STK39: variants seen among roughly 807,000 people sequenced by gnomAD.
The protein encoded by STK39 is serine/threonine kinase 39, also known as STE20/SPS1-related proline-alanine-rich protein kinase.
A neutral mutation model predicts 77.8 loss-of-function variants in STK39; 20 were observed. The ratio of observed to expected loss-of-function variants is 0.26; its 90% CI spans 0.18 to 0.37. STK39 has a LOEUF of 0.37. Among genes scored for constraint, STK39 ranks in the 10% least tolerant of loss-of-function variants. STK39 has a pLI of 1.00. For synonymous variants in STK39, 246 were observed against 234.1 expected, an observed-to-expected ratio of 1.05 and a Z score of -0.47; for missense variants, 479 against 656.5, an observed-to-expected ratio of 0.73 and a Z score of 2.95.
intron 15 of STK39, among the ~76,000 whole-genome samples, chr2:168,016,180 A>G (rs1342726708): frequency 6.6e-6 from 1 of 152,060 alleles, no homozygotes; most frequent in African/African-American, 2.4e-5. Flanking sequence ...CACCCACCTC[A>G]GCCTCTCAAA....
chr2:168,201,494 G>A (rs1689611038), intron 1 of STK39, among the ~76,000 whole-genome samples: 1 of 152,204 alleles, frequency 6.6e-6, no homozygotes, highest in African/African-American at 2.4e-5. Flanking sequence ...GGGTCAGTGA[G>A]CCGGCCTCAC....
intron 8 of STK39, among the ~76,000 whole-genome samples, chr2:168,130,876 A>AG (rs1687678309): frequency 6.6e-6 from 1 of 152,164 alleles, no homozygotes; most frequent in African/African-American, 2.4e-5. Flanking sequence ...GATCTCTTTC[A>AG]GGGGGACTGA....
At chr2:168,089,435 C>G (rs539512369) in intron 10 of STK39, among the ~76,000 whole-genome samples, 1 of 152,266 alleles carries the variant, frequency 6.6e-6, no homozygotes, top group South Asian at 2.1e-4. Context: ...TGTTTCTAAA[C>G]AAGGTACAAA....
rs569477169 is a variant in STK39 at position 168,224,083 on chromosome 2, A to G, written c.208+23145T>C. On this transcript the variant is annotated intron_variant, in intron 1 of 17. Coordinates refer to ENST00000355999, the MANE Select transcript of STK39 (RefSeq NM_013233.3). ...AAACATAAAGAAAAAAAGATTATATATAGTCATATGTTCTATATATAATCA... is the reference window on the plus strand; with the variant it reads ...AAACATAAAGAAAAAAAGATTATATGTAGTCATATGTTCTATATATAATCA... Among the ~76,000 whole-genome samples, 108 of 152,290 alleles carry G rather than the reference A, an allele frequency of 7.1e-4. 1 individual carries two copies. Among genetic ancestry groups the G allele is most frequent in the African/African-American group, 2.2e-3 (91 of 41,546 alleles).
At chr2:168,167,518 T>A in intron 2 of STK39, 111 bp from the exon 3 acceptor site, 2 of 851,896 alleles carry the variant, frequency 2.3e-6, no homozygotes, top group Admixed American at 4.3e-5. Flanking sequence ...AAAGCCTACC[T>A]GAGGGGCTGC....
intron 14 of STK39, among the ~76,000 whole-genome samples, chr2:168,058,311 C>G (rs1685577297): frequency 1.3e-5 from 2 of 152,192 alleles, no homozygotes; most frequent in Non-Finnish European, 2.9e-5. Context: ...AACACTTCCT[C>G]TATTTGTTTT....
chr2:168,160,936 CG>C (rs1375042126), intron 5 of STK39, among the ~76,000 whole-genome samples: 1 of 80,246 alleles, frequency 1.2e-5, no homozygotes, highest in East Asian at 3.9e-4. Flanking sequence ...GCACCAGAGT[CG>C]GGGGGTGGGG....
At chr2:168,193,299 TC>T (rs968827514) in intron 1 of STK39, among the ~76,000 whole-genome samples, 6 of 150,298 alleles carry the variant, frequency 4.0e-5, no homozygotes, top group East Asian at 2.0e-4. Context: ...AAGTCTTTCT[TC>T]CCCCCCCTCT....
At chr2:168,020,788 C>G (rs1051163813) in intron 14 of STK39, among the ~76,000 whole-genome samples, 1 of 151,996 alleles carries the variant, frequency 6.6e-6, no homozygotes, top group Non-Finnish European at 1.5e-5. Context: ...TCCAAGTTTA[C>G]AAATTTAATG....
chr2:168,043,359 T>C (rs1685157627), intron 14 of STK39, among the ~76,000 whole-genome samples: 5 of 152,002 alleles, frequency 3.3e-5, no homozygotes, highest in Admixed American at 3.3e-4. Flanking sequence ...ATCTGGAGGC[T>C]GATGATTCCT....
At chr2:168,024,597 G>A (rs1157199257) in intron 14 of STK39, among the ~76,000 whole-genome samples, 1 of 152,204 alleles carries the variant, frequency 6.6e-6, no homozygotes, top group Admixed American at 6.6e-5. Context: ...TTAAGATGGT[G>A]CAGCCCCCAA....
chr2:168,063,654 G>C, intron 13 of STK39, 84 bp from the exon 14 acceptor site: 6 of 1,294,626 alleles, frequency 4.6e-6, no homozygotes, highest in South Asian at 1.3e-5. Context: ...GATTCATATA[G>C]CCATTTCTTT....
At chr2:168,101,661 C>G (rs1234012048) in intron 10 of STK39, among the ~76,000 whole-genome samples, 1 of 152,110 alleles carries the variant, frequency 6.6e-6, no homozygotes, top group East Asian at 1.9e-4. Context: ...TTGCTTGAAC[C>G]TGGGAGGCAG....
At chr2:168,029,286 T>C (rs1175540669) in intron 14 of STK39, among the ~76,000 whole-genome samples, 1 of 152,192 alleles carries the variant, frequency 6.6e-6, no homozygotes, top group Non-Finnish European at 1.5e-5. Flanking sequence ...AACTGTTGCA[T>C]AGTATAGTTC....
intron 14 of STK39, among the ~76,000 whole-genome samples, chr2:168,036,478 G>A (rs1010618189): frequency 6.6e-6 from 1 of 152,186 alleles, no homozygotes; most frequent in Non-Finnish European, 1.5e-5. Flanking sequence ...GAAAAGGATA[G>A]CAGTTCAACC....
chr2:168,080,512 C>T (rs1686200891), intron 10 of STK39, among the ~76,000 whole-genome samples: 2 of 152,042 alleles, frequency 1.3e-5, no homozygotes, highest in Admixed American at 1.3e-4. Context: ...TGCCTGTAGT[C>T]CCAGCTACTC....
intron 1 of STK39, among the ~76,000 whole-genome samples, chr2:168,242,046 G>T (rs1690771688): frequency 6.6e-6 from 1 of 152,136 alleles, no homozygotes; most frequent in African/African-American, 2.4e-5. Context: ...AGTCAGGGAA[G>T]AATTCATAAT....
intron 2 of STK39, among the ~76,000 whole-genome samples, chr2:168,171,206 G>T (rs1252770366): frequency 2.0e-5 from 3 of 152,110 alleles, no homozygotes; most frequent in African/African-American, 7.2e-5. Flanking sequence ...GGGTAGCATG[G>T]AAGATCCCCT....
chr2:167,983,706 A>C, intron 16 of STK39, among the ~76,000 whole-genome samples: 1 of 152,212 alleles, frequency 6.6e-6, no homozygotes, highest in Non-Finnish European at 1.5e-5. Flanking sequence ...CTGACACTGG[A>C]CGCTGGGAAT....
Sources: gnomAD v4.1 joint callset for allele counts (sites outside exome capture counted in the v4.1 genomes callset) on GRCh38, gnomAD v4.1.1 for gene constraint, MANE v1.5 for transcripts, NCBI Gene and HGNC (gene_info 2026-07-23, HGNC 2026-07-21) for gene names.